The following SLX4 variants were observed in gnomAD, a reference collection of about 807,000 sequenced individuals.
SLX4 encodes SLX4 structure-specific endonuclease subunit.
A neutral mutation model predicts 146.2 loss-of-function variants in SLX4; 112 were observed. The observed-to-expected ratio is 0.77, with a 90% CI of 0.66 to 0.90. SLX4 has a LOEUF of 0.90. SLX4 is among the 40% of genes least tolerant of loss of function. The pLI, the probability that SLX4 is intolerant of heterozygous loss-of-function variation, is 0.00. For synonymous variants in SLX4, 1,061 were observed against 997.7 expected, an observed-to-expected ratio of 1.06 and a Z score of -1.20; for missense variants, 2,563 against 2,392.7, an observed-to-expected ratio of 1.07 and a Z score of -1.49.
intron 12 of SLX4, 47 bp from the exon 13 acceptor site, chr16:3,584,918 T>C (rs778461347): frequency 1.7e-5 from 22 of 1,306,010 alleles, no homozygotes; most frequent in Middle Eastern, 3.6e-4. Flanking sequence ...GGGACACGGA[T>C]TTCCCACATC....
In SLX4 at chr16:3,589,699, G is replaced by C. The variant is rs369714443; in HGVS notation, c.3939C>G (p.Pro1313=). ...ACGGTGTCTGGGGCGGTGGTGTCTG[G>C]GGCCTGATGACAGAAAACTTCTGTG... ...EVAQKFSVIR[P]QTPPPQTPSS... Residue 1313 remains proline (P), a synonymous_variant, in exon 12 of 15, where the codon CCC becomes CCG. Coordinates refer to ENST00000294008, the MANE Select transcript of SLX4 (RefSeq NM_032444.4). This position sits in a 1 kb window ranked among gnomAD's most constrained non-coding sequence, Gnocchi z 6.2. 2.5e-6 allele frequency: 4 copies of C among 1,613,966 alleles called. No individual in the cohort carries two copies. In the African/African-American group the frequency reaches 4.0e-5, roughly 16 times the overall value.
At chr16:3,592,615 G>C (rs908271731) in intron 11 of SLX4, 84 bp downstream of exon 11, 32 of 1,486,286 alleles carry the variant, frequency 2.2e-5, no homozygotes, top group Non-Finnish European at 2.8e-5. Flanking sequence ...CCTCAGCCCC[G>C]AGCCCTCTGC....
At chr16:3,593,013 A>G (rs1352119206) in intron 10 of SLX4, 148 bp from the exon 11 acceptor site, 2 of 747,538 alleles carry the variant, frequency 2.7e-6, no homozygotes, top group African/African-American at 1.8e-5. Context: ...AGGCTAGAGT[A>G]CAGTGGTGTG....
In SLX4 at chr16:3,606,691, C is replaced by A. The variant is rs1394581071; in HGVS notation, c.543G>T (p.Val181=). 1 of 1,614,084 alleles carries A rather than the reference C, an allele frequency of 6.2e-7. No individual in the cohort carries two copies. The highest frequency in any genetic ancestry group is 8.5e-7 in the Non-Finnish European group (1 of 1,180,030). The part of the protein sequence containing the change: ...NLSREKTREN[V]PNSDSQPPPS... ...GAGGAGGCTGGGAGTCGCTGTTGGG[C>A]ACATTCTCTGGCAAGGAGGAAAATA... The change falls in exon 3 of 15, where the codon GTG becomes GTT. Residue 181 remains valine (V), a synonymous_variant. Coordinates refer to ENST00000294008, the MANE Select transcript of SLX4 (RefSeq NM_032444.4).
At position 3,608,655 on chromosome 16, in the gene SLX4, G is replaced by C. The variant is rs2040813691; in HGVS notation, c.310C>G (p.Gln104Glu). Residue 104 changes from glutamine (Q) to glutamate (E), a missense_variant, in exon 2 of 15, where the codon CAA becomes GAA. By Grantham distance (29) the Gln-to-Glu change is conservative (BLOSUM62 2). Transcript: ENST00000294008. ...KQTATKTKTL[Q>E]GPAEKKPPSG... ...GGAGGTTTCTTCTCTGCAGGGCCTT[G>C]AAGGGTTTTGGTCTTGGTAGCAGTT... 3.7e-6 allele frequency: 6 copies of C among 1,614,088 alleles called. No individual in the cohort carries two copies. The highest frequency in any genetic ancestry group is 4.2e-6 in the Non-Finnish European group (5 of 1,180,052).
rs536731011 is a variant in SLX4 at position 3,608,375 on chromosome 16, A to T, written c.535+55T>A. The T allele has an allele frequency of 1.3e-5, 21 of 1,598,916 alleles. No homozygotes were observed. In the Admixed American group the frequency reaches 3.5e-4, roughly 27 times the overall value. On this transcript the variant is annotated intron_variant, in intron 2 of 14. Transcript: ENST00000294008. ...GGCCTACAAAGCCAAAATATTTACG[A>T]TCTGGCCCTTTCCAGGAAGTTTTCC...
In SLX4 at chr16:3,596,941, G is replaced by C. The variant is rs1050492312; in HGVS notation, c.1683+438C>G. Among the ~76,000 whole-genome samples the C allele has an allele frequency of 2.0e-5, 3 of 151,758 alleles. No individual in the cohort carries two copies. In the East Asian group the frequency reaches 5.8e-4, roughly 29 times the overall value. On this transcript the variant is annotated intron_variant, in intron 7 of 14. Transcript: ENST00000294008. ...CGGTTCAAGCGATTCTTCTGCCTCA[G>C]TCTCCCAAGTAACTGGGATTACAGG...
At position 3,589,724 on chromosome 16, in the gene SLX4, G is replaced by GCGA. The variant is rs760555181; in HGVS notation, c.3911_3913dup (p.Val1304dup). ...GGGCCTGATGACAGAAAACTTCTGT[G>GCGA]CGACTTCGTTCCCTTCCCTGTTTCC... On this transcript the variant is annotated inframe_insertion, in exon 12 of 15. Transcript: ENST00000294008. This position sits in a 1 kb window ranked among gnomAD's most constrained non-coding sequence, Gnocchi z 6.2. 2.5e-6 allele frequency: 4 copies of GCGA among 1,613,944 alleles called. No homozygotes were observed. The South Asian group carries it at 4.4e-5, about 18-fold the overall frequency.
At chr16:3,587,643 G>C (rs1469256962) in intron 12 of SLX4, among the ~76,000 whole-genome samples, 1 of 152,054 alleles carries the variant, frequency 6.6e-6, no homozygotes, top group Non-Finnish European at 1.5e-5. Flanking sequence ...GCCTCCTGCA[G>C]CTGTTCTCAC....
intron 5 of SLX4, among the ~76,000 whole-genome samples, chr16:3,598,547 T>G (rs1253092507): frequency 6.6e-6 from 1 of 152,150 alleles, no homozygotes; most frequent in Non-Finnish European, 1.5e-5. Flanking sequence ...GGGCAGCAGC[T>G]CGTTTGGTTT....
Position 3,594,807 on chromosome 16 carries a change from C to T in SLX4, c.2014-208G>A, listed in dbSNP as rs143401400. 7.5e-4 allele frequency among the ~76,000 whole-genome samples: 114 copies of T among 152,334 alleles called. No individual in the cohort carries two copies. In the East Asian group the frequency reaches 0.022, roughly 29 times the overall value. ...GTAGCACAGAAGAGCAAAGCACTAGCTTGTTCCTCTGGCTCTTGCCAGTGG... is the reference window on the plus strand; with the variant it reads ...GTAGCACAGAAGAGCAAAGCACTAGTTTGTTCCTCTGGCTCTTGCCAGTGG... On this transcript the variant is annotated intron_variant, in intron 9 of 14. Coordinates refer to ENST00000294008, the MANE Select transcript of SLX4 (RefSeq NM_032444.4).
At position 3,591,098 on chromosome 16, in the gene SLX4, T is replaced by C. The variant is rs1191021723; in HGVS notation, c.2540A>G (p.Asn847Ser). ...KDHEEDQENV[N>S]EAEMEEIYEF... ...ATAAATTTCTTCCATTTCTGCTTCA[T>C]TCACGTTTTCTTGATCTTCTTCGTG... Residue 847 changes from asparagine to serine, a missense_variant, in exon 12 of 15, where the codon AAT becomes AGT. Asn to Ser is a conservative substitution (Grantham distance 46). Transcript: ENST00000294008. 2 of 1,614,140 alleles carry C rather than the reference T, an allele frequency of 1.2e-6. No individual in the cohort carries two copies.
Position 3,583,523 on chromosome 16 carries a change from C to A in SLX4, c.4740-13G>T. On this transcript the variant is annotated splice_polypyrimidine_tract_variant and intron_variant, in intron 13 of 14. Coordinates refer to ENST00000294008, the MANE Select transcript of SLX4 (RefSeq NM_032444.4). ...GCGGACTCCAAACCTGACGGAGGAA[C>A]AGGTGGATCTCAGGACCCACCCACA... 6.2e-7 allele frequency: 1 copy of A among 1,613,906 alleles called. No homozygotes were observed. Among genetic ancestry groups the A allele is most frequent in the Non-Finnish European group, 8.5e-7 (1 of 1,180,040 alleles).
intron 12 of SLX4, among the ~76,000 whole-genome samples, chr16:3,586,683 C>T (rs905013651): frequency 6.6e-6 from 1 of 151,684 alleles, no homozygotes; most frequent in African/African-American, 2.4e-5. Flanking sequence ...CATGGCATGG[C>T]GATGGGCGCT....
Position 3,602,136 on chromosome 16 carries a change from C to T in SLX4, c.932G>A (p.Arg311Lys). 1 of 1,614,134 alleles carries T rather than the reference C, an allele frequency of 6.2e-7. No homozygotes were observed. Among genetic ancestry groups the T allele is most frequent in the Non-Finnish European group, 8.5e-7 (1 of 1,180,028 alleles). Residue 311 changes from arginine (R) to lysine (K), a missense_variant, in exon 4 of 15, where the codon AGG becomes AAG. By Grantham distance (26) the Arg-to-Lys change is conservative. Coordinates refer to ENST00000294008, the MANE Select transcript of SLX4 (RefSeq NM_032444.4). ...CCCCCACCTGTTCACATGCTGTTCC[C>T]TTCGGGTCACGTTCATGGCTGAGAG... ...KNLSAMNVTR[R>K]EQHVNRCLDE...
chr16:3,611,399 T>G (rs1474306940), intron 1 of SLX4, among the ~76,000 whole-genome samples, 161 bp downstream of exon 1: 1 of 152,204 alleles, frequency 6.6e-6, no homozygotes, highest in Non-Finnish European at 1.5e-5. Flanking sequence ...GTGCGGCTCC[T>G]GCCTCTCCGT....
rs113490934 is a variant in SLX4 at position 3,600,986 on chromosome 16, T to C, written c.1156A>G (p.Met386Val). The stretch of plus-strand genomic sequence containing the variant: ...TCCTTTTCGTCGACTTACCTGAACA[T>C]GGGTGGGCTGCTGCTACCCTCAGGC... ...AQPEGSSSPP[M>V]FSFSDHSRGL... is the part of the protein sequence containing the mutation. The change falls in exon 5 of 15, where the codon ATG (methionine) becomes GTG (valine). Residue 386 changes from methionine to valine, a missense_variant. By Grantham distance (21) the Met-to-Val change is conservative. Coordinates refer to ENST00000294008, the MANE Select transcript of SLX4 (RefSeq NM_032444.4). 0.063 allele frequency: 101,298 copies of C among 1,613,030 alleles called. 3,410 individuals carry two copies. The highest frequency in any genetic ancestry group is 0.07 in the Admixed American group (4,174 of 59,988).
Position 3,595,617 on chromosome 16 carries a change from G to C in SLX4, c.2001C>G (p.Gly667=). 1 of 1,613,872 alleles carries C rather than the reference G, an allele frequency of 6.2e-7. No individual in the cohort carries two copies. The highest frequency in any genetic ancestry group is 8.5e-7 in the Non-Finnish European group (1 of 1,180,018). Residue 667 remains glycine (G), a synonymous_variant, in exon 9 of 15, where the codon GGC becomes GGG. Transcript: ENST00000294008. The part of the protein sequence containing the change: ...VPSQDKHPDR[G]GRTLLSLGLL... Reference sequence around the variant, plus strand: ...AGCCAGTTCTTACCAAGGTGCGGCCGCCCCTGTCCGGGTGCTTGTCCTGCG... The same window carrying C: ...AGCCAGTTCTTACCAAGGTGCGGCCCCCCCTGTCCGGGTGCTTGTCCTGCG...
At chr16:3,585,222 C>CT (rs1040541972) in intron 12 of SLX4, among the ~76,000 whole-genome samples, 1 of 152,190 alleles carries the variant, frequency 6.6e-6, no homozygotes, top group Non-Finnish European at 1.5e-5. Flanking sequence ...CACTGATACT[C>CT]TTCAAACAGG....
Sources: gnomAD v4.1 joint callset for allele counts (sites outside exome capture counted in the v4.1 genomes callset) on GRCh38, gnomAD v4.1.1 for gene constraint, Gnocchi (gnomAD v3.1) non-coding constraint, MANE v1.5 for transcripts, NCBI Gene and HGNC (gene_info 2026-07-23, HGNC 2026-07-21) for gene names.